Variants in MDGA2 observed in about 807,000 individuals in gnomAD.
The protein encoded by MDGA2 is MAM domain containing glycosylphosphatidylinositol anchor 2.
In MDGA2, 40 loss-of-function variants were observed where a neutral mutation model predicts 117.8. The observed-to-expected ratio is 0.34, with a 90% CI of 0.26 to 0.44. The LOEUF is 0.44. Among genes scored for constraint, MDGA2 ranks in the 20% least tolerant of loss-of-function variants. The pLI is 1.00. For missense variants in MDGA2, 1,123 were observed against 1,250.6 expected (o/e 0.90, Z 1.54); for synonymous variants, 452 against 439.0 (o/e 1.03, Z -0.37).
In MDGA2 at chr14:46,853,041, T is replaced by A. The variant is rs151060431; in HGVS notation, c.2883+1983A>T. 2.7e-3 allele frequency among the ~76,000 whole-genome samples: 414 copies of A among 151,954 alleles called. 2 individuals carry two copies. Among genetic ancestry groups the A allele is most frequent in the Non-Finnish European group, 4.1e-3 (281 of 67,872 alleles). On this transcript the variant is annotated intron_variant, in intron 15 of 16. Coordinates refer to ENST00000399232, the MANE Select transcript of MDGA2 (RefSeq NM_001113498.3). ...CAAGAACTTATACAGATATTAGCAA[T>A]AGCAAATAATGATTTAAAATGGTTA...
chr14:47,367,048 T>C (rs1044397947), intron 1 of MDGA2, among the ~76,000 whole-genome samples: 1 of 152,104 alleles, frequency 6.6e-6, no homozygotes, highest in Non-Finnish European at 1.5e-5. Flanking sequence ...AGTAAAAGAC[T>C]GACAGTAGTG....
intron 1 of MDGA2, among the ~76,000 whole-genome samples, chr14:47,654,505 G>A (rs899900736): frequency 2.0e-5 from 3 of 152,084 alleles, no homozygotes; most frequent in Non-Finnish European, 2.9e-5. Context: ...AAGGAGGACA[G>A]GGACAATAGC....
In MDGA2 at chr14:47,561,158, G is replaced by GTTT. The variant is rs200625450; in HGVS notation, c.280+113356_280+113358dup. ...CTATCTTTGTTTTTTTTTTTGTTTTGTTTTGTTTTTTTGTTTGTTTGTTTT... is the reference window on the plus strand; with the variant it reads ...CTATCTTTGTTTTTTTTTTTGTTTTGTTTTTTTGTTTTTTTGTTTGTTTGTTTT... On this transcript the variant is annotated intron_variant, in intron 1 of 16. Transcript: ENST00000399232. Among the ~76,000 whole-genome samples, 38 of 55,076 alleles carry GTTT rather than the reference G, an allele frequency of 6.9e-4. 3 individuals are homozygous for GTTT. In the East Asian group the frequency reaches 7.9e-3, roughly 11 times the overall value. 36.1% of individuals were successfully genotyped at this position (55,076 alleles called of 152,430 possible).
chr14:47,170,078 C>T (rs1884057503), intron 3 of MDGA2, among the ~76,000 whole-genome samples: 1 of 152,080 alleles, frequency 6.6e-6, no homozygotes, highest in Non-Finnish European at 1.5e-5. Flanking sequence ...CAGAATAACT[C>T]CTGGAGTTCA....
At chr14:46,939,641 T>G (rs1343740810) in intron 9 of MDGA2, among the ~76,000 whole-genome samples, 1 of 152,252 alleles carries the variant, frequency 6.6e-6, no homozygotes, top group African/African-American at 2.4e-5. Flanking sequence ...AAGGCACTTT[T>G]GTTGTTAGTT....
chr14:47,521,601 T>C (rs1452657923), intron 1 of MDGA2, among the ~76,000 whole-genome samples: 3 of 152,142 alleles, frequency 2.0e-5, no homozygotes, highest in Non-Finnish European at 4.4e-5. Flanking sequence ...AATTCCAAAA[T>C]GCTATGACCA....
intron 11 of MDGA2, 76 bp from the exon 12 acceptor site, chr14:46,877,585 G>A: frequency 1.9e-6 from 2 of 1,049,414 alleles, no homozygotes; most frequent in Non-Finnish European, 2.8e-6. Context: ...ATAAATAAAA[G>A]TCTAATCAGT....
chr14:47,360,357 AT>A (rs1891091848), intron 1 of MDGA2, among the ~76,000 whole-genome samples: 2 of 62,158 alleles, frequency 3.2e-5, no homozygotes, highest in South Asian at 7.6e-4. Context: ...ATCTCAAAAA[AT>A]AAATAAATAA....
chr14:47,100,209 C>T (rs1000929313), intron 5 of MDGA2, among the ~76,000 whole-genome samples: 2 of 151,852 alleles, frequency 1.3e-5, no homozygotes, highest in African/African-American at 4.8e-5. Flanking sequence ...TCAACATTTT[C>T]CCAGGACCTT....
chr14:47,005,925 T>C (rs1034273028), intron 8 of MDGA2, among the ~76,000 whole-genome samples: 1 of 151,642 alleles, frequency 6.6e-6, no homozygotes, highest in Admixed American at 6.6e-5. Context: ...TTAACAACTG[T>C]ATTATAATAT....
At chr14:47,540,022 CTTTTTT>C (rs1250186579) in intron 1 of MDGA2, among the ~76,000 whole-genome samples, 1 of 149,588 alleles carries the variant, frequency 6.7e-6, no homozygotes, top group Non-Finnish European at 1.5e-5. Flanking sequence ...TTTTCTTTTT[CTTTTTT>C]TTTTGAGACG....
At chr14:47,568,620 A>G (rs190709665) in intron 1 of MDGA2, among the ~76,000 whole-genome samples, 7 of 152,332 alleles carry the variant, frequency 4.6e-5, no homozygotes, top group African/African-American at 1.4e-4. Flanking sequence ...ATATTTTCTA[A>G]GGAGAATAAA....
chr14:47,548,258 A>G (rs1204229218), intron 1 of MDGA2, among the ~76,000 whole-genome samples: 3 of 152,072 alleles, frequency 2.0e-5, no homozygotes, highest in African/African-American at 2.4e-5. Flanking sequence ...GTCTTTCTCA[A>G]TTGAACCCAT....
chr14:47,176,894 C>T (rs1884479851), intron 3 of MDGA2, among the ~76,000 whole-genome samples: 1 of 152,096 alleles, frequency 6.6e-6, no homozygotes, highest in African/African-American at 2.4e-5. Flanking sequence ...ATTTTCGCAA[C>T]CTACTCATCT....
At chr14:47,293,777 C>T (rs905969822) in intron 2 of MDGA2, among the ~76,000 whole-genome samples, 2 of 151,970 alleles carry the variant, frequency 1.3e-5, no homozygotes, top group African/African-American at 2.4e-5. Flanking sequence ...ATATGATGAA[C>T]AAAAATAACT....
intron 3 of MDGA2, among the ~76,000 whole-genome samples, chr14:47,184,027 T>G (rs958177805): frequency 1.3e-5 from 2 of 152,038 alleles, no homozygotes; most frequent in African/African-American, 4.8e-5. Context: ...TCCCATGCAA[T>G]TTAGAGGAAA....
In MDGA2 at chr14:46,959,251, ATGTGTGTGTGTGTGTGTGTGTGTG is replaced by A. The variant is rs3985119; in HGVS notation, c.1820-1632_1820-1609del. Reference sequence around the variant, plus strand: ...TCTTTTATCTCCAGCAATGCTATATATGTGTGTGTGTGTGTGTGTGTGTGTGTGTGTGTGTGTGTGTGTGTGTGT... The same window carrying A: ...TCTTTTATCTCCAGCAATGCTATATATGTGTGTGTGTGTGTGTGTGTGTGT... On this transcript the variant is annotated intron_variant, in intron 8 of 16. Coordinates refer to ENST00000399232, the MANE Select transcript of MDGA2 (RefSeq NM_001113498.3). Among the ~76,000 whole-genome samples the A allele has an allele frequency of 2.9e-3, 405 of 140,238 alleles. 4 individuals are homozygous for A. Among genetic ancestry groups the A allele is most frequent in the African/African-American group, 9.4e-3 (367 of 39,186 alleles). 92.0% of individuals were successfully genotyped at this position (140,238 alleles called of 152,430 possible). A position where few individuals can be genotyped will look rare whatever the true frequency, so the allele number is the denominator to read the frequency against.
chr14:47,638,813 A>T (rs2138240365), intron 1 of MDGA2, among the ~76,000 whole-genome samples: 1 of 152,296 alleles, frequency 6.6e-6, no homozygotes, highest in South Asian at 2.1e-4. Flanking sequence ...CCTGTGATAG[A>T]TTATTTCACA....
At chr14:47,181,718 A>G (rs10151195) in intron 3 of MDGA2, among the ~76,000 whole-genome samples, 79,574 of 151,972 alleles carry the variant, frequency 0.52, 22,234 homozygotes, top group African/African-American at 0.73. Context: ...TGAACATCAC[A>G]TCTTTTGATC....
Sources: gnomAD v4.1 joint callset for allele counts (sites outside exome capture counted in the v4.1 genomes callset) on GRCh38, gnomAD v4.1.1 for gene constraint, MANE v1.5 for transcripts, NCBI Gene and HGNC (gene_info 2026-07-23, HGNC 2026-07-21) for gene names.